The following DYNC2H1 variants were observed in gnomAD, a reference collection of about 807,000 sequenced individuals.
The protein encoded by DYNC2H1 is dynein cytoplasmic 2 heavy chain 1.
In DYNC2H1, 410 loss-of-function variants were observed where a neutral mutation model predicts 570.0. The ratio of observed to expected loss-of-function variants is 0.72; its 90% CI spans 0.66 to 0.78. The LOEUF (loss-of-function observed/expected upper bound fraction) is 0.78, where lower values mean the gene tolerates loss of function less well. Ranked by LOEUF, DYNC2H1 falls within the 30% of genes least tolerant of loss-of-function variation. DYNC2H1 has a pLI of 0.00. For missense variants in DYNC2H1, 4,865 were observed against 5,046.4 expected (o/e 0.96, Z 1.09); for synonymous variants, 1,688 against 1,677.6 (o/e 1.01, Z -0.15).
chr11:103,408,127 GGA>G (rs535816509), intron 84 of DYNC2H1: 1 of 151,970 alleles, frequency 6.6e-6, no homozygotes, highest in Non-Finnish European at 1.5e-5. Flanking sequence ...GTTCACAAGA[GGA>G]GAGCGATAGA....
chr11:103,187,177 G>A (rs1862104019), intron 42 of DYNC2H1, among the ~76,000 whole-genome samples, 163 bp from the exon 43 acceptor site: 1 of 151,908 alleles, frequency 6.6e-6, no homozygotes, highest in African/African-American at 2.4e-5. Context: ...AAAGAAAGTT[G>A]CTTTGATAGT....
intron 55 of DYNC2H1, among the ~76,000 whole-genome samples, chr11:103,216,174 A>C (rs755532067): frequency 4.6e-5 from 7 of 151,426 alleles, no homozygotes; most frequent in Non-Finnish European, 7.4e-5. Flanking sequence ...ATTTCCTTTT[A>C]TTTTTCTTAG....
At chr11:103,444,471 C>A (rs534855301) in intron 85 of DYNC2H1, among the ~76,000 whole-genome samples, 1 of 151,830 alleles carries the variant, frequency 6.6e-6, no homozygotes, top group South Asian at 2.1e-4. Context: ...TATATATTTC[C>A]GGGATGTCAG....
At position 103,188,541 on chromosome 11, in the gene DYNC2H1, T is replaced by C; in HGVS notation, c.7185T>C (p.Val2395=). ...QGFYDENLEW[V]GLENIQIVAS... The stretch of plus-strand genomic sequence containing the variant: ...TTTATGATGAAAATTTGGAATGGGT[T>C]GGTCTAGAAAATATTCAAATTGTGG... The change falls in exon 44 of 89, where the codon GTT becomes GTC. Residue 2395 remains valine, a synonymous_variant. Transcript: ENST00000375735. The C allele has an allele frequency of 7.5e-6, 12 of 1,609,222 alleles. No individual in the cohort carries two copies. Among genetic ancestry groups the C allele is most frequent in the Non-Finnish European group, 1.0e-5 (12 of 1,176,962 alleles).
chr11:103,293,245 C>A (rs141196865), intron 75 of DYNC2H1, among the ~76,000 whole-genome samples: 2 of 152,112 alleles, frequency 1.3e-5, no homozygotes, highest in African/African-American at 4.8e-5. Flanking sequence ...TGTCATCCCC[C>A]TCCCTCATGG....
chr11:103,154,515 G>C lies in DYNC2H1; in HGVS notation c.3367G>C (p.Asp1123His), dbSNP rs1276760882. 2 of 1,576,564 alleles carry C rather than the reference G, an allele frequency of 1.3e-6. No individual in the cohort carries two copies. Among genetic ancestry groups the C allele is most frequent in the East Asian group, 4.6e-5 (2 of 43,596 alleles). Residue 1123 changes from aspartate to histidine, a missense_variant, in exon 23 of 89, where the codon GAT (aspartate) becomes CAT (histidine). Coordinates refer to ENST00000375735, the MANE Select transcript of DYNC2H1 (RefSeq NM_001377.3). ...CTCCCTGGCAAGTAGTATCTCTAAA[G>C]ATATCGAGAGCTGTGCCCAAATTTG... is the stretch of plus-strand genomic sequence containing the variant. The part of the protein sequence containing the change: ...NFSLASSISK[D>H]IESCAQIWAF...
At chr11:103,455,367 C>T (rs1944751858) in intron 86 of DYNC2H1, 72 bp downstream of exon 86, 1 of 1,140,682 alleles carries the variant, frequency 8.8e-7, no homozygotes, top group Non-Finnish European at 1.3e-6. Context: ...CTTCCTATTA[C>T]ACTGCCCTTG....
At chr11:103,229,543 C>T (rs1282633187) in intron 59 of DYNC2H1, among the ~76,000 whole-genome samples, 3 of 152,038 alleles carry the variant, frequency 2.0e-5, no homozygotes, top group South Asian at 4.1e-4. Context: ...TTTCTGTTTA[C>T]GTATCACAAA....
rs1467641080 is a variant in DYNC2H1 at position 103,399,669 on chromosome 11, A to G, written c.12163A>G (p.Asn4055Asp). The G allele has an allele frequency of 6.2e-7, 1 of 1,609,636 alleles. No individual in the cohort carries two copies. Among genetic ancestry groups the G allele is most frequent in the East Asian group, 2.2e-5 (1 of 44,758 alleles). The change falls in exon 84 of 89, where the codon AAC becomes GAC. Residue 4055 changes from asparagine (N) to aspartate (D), a missense_variant. By Grantham distance (23) the Asn-to-Asp change is conservative. Around this residue, in one of 5 missense-constraint regions of DYNC2H1, gnomAD observed 2,401 missense variants for 2,454.6 expected, o/e 0.98. Transcript: ENST00000375735. ...TATGACATTTTTCTTTTAGAATTCA[A>G]ACCTAATACATCAGAAAGTGCCTCC... Reference protein sequence around the residue: ...NLWKKLNQNSNLIHQKVPPPN... With the variant: ...NLWKKLNQNSDLIHQKVPPPN...
chr11:103,166,047 T>C lies in DYNC2H1; in HGVS notation c.4761T>C (p.Thr1587=). The change falls in exon 31 of 89, where the codon ACT becomes ACC. Residue 1587 remains threonine, a splice_region_variant and synonymous_variant. Transcript: ENST00000375735. Reference sequence around the variant, plus strand: ...CAAGTTCTGAGGATCCAGGGAATACTGGTATGGAAAAGACATTCCCTTTTC... The same window carrying C: ...CAAGTTCTGAGGATCCAGGGAATACCGGTATGGAAAAGACATTCCCTTTTC... The part of the protein sequence containing the change: ...IDTSSEDPGN[T]ESGILELKLK... 6.6e-7 allele frequency: 1 copy of C among 1,516,234 alleles called. No homozygotes were observed. 93.9% of individuals were successfully genotyped at this position (1,516,234 alleles called of 1,614,324 possible). A position where few individuals can be genotyped will look rare whatever the true frequency, so the allele number is the denominator to read the frequency against.
intron 75 of DYNC2H1, among the ~76,000 whole-genome samples, chr11:103,297,646 T>C (rs1163211283): frequency 2.0e-5 from 3 of 152,064 alleles, no homozygotes; most frequent in Admixed American, 1.3e-4. Context: ...AATACAGCAT[T>C]ATAATCTTAT....
intron 84 of DYNC2H1, among the ~76,000 whole-genome samples, chr11:103,421,922 T>A (rs12295174): frequency 0.1 from 15,381 of 150,016 alleles, 970 homozygotes; most frequent in African/African-American, 0.18. Flanking sequence ...TTTTTTTTTT[T>A]ATAACAAAAT....
Position 103,326,814 on chromosome 11 carries a change from GC to G in DYNC2H1, c.12039+2825del, listed in dbSNP as rs1191142113. On this transcript the variant is annotated intron_variant, in intron 82 of 88. Coordinates refer to ENST00000375735, the MANE Select transcript of DYNC2H1 (RefSeq NM_001377.3). The surrounding 1 kb of genome is among the most constrained non-coding windows in gnomAD (Gnocchi z 6.1). ...TCTCTTGGCCTGGCAGTCAGCTGAT[GC>G]TAGAGCCTCTAGGAGGGTGATGAGG... Among the ~76,000 whole-genome samples, 3 of 152,178 alleles carry G rather than the reference GC, an allele frequency of 2.0e-5. No individual in the cohort carries two copies. The highest frequency in any genetic ancestry group is 7.2e-5 in the African/African-American group (3 of 41,452).
chr11:103,387,468 G>T (rs1458572626), intron 83 of DYNC2H1, among the ~76,000 whole-genome samples: 2 of 152,084 alleles, frequency 1.3e-5, no homozygotes, highest in Non-Finnish European at 2.9e-5. Context: ...TCTCTCTGAT[G>T]GTAATTTCTT....
intron 75 of DYNC2H1, among the ~76,000 whole-genome samples, chr11:103,295,462 C>T (rs1418634065): frequency 1.3e-5 from 2 of 152,210 alleles, no homozygotes; most frequent in African/African-American, 4.8e-5. Flanking sequence ...ACTCTCCCAG[C>T]ACTCCCTCAA....
chr11:103,417,352 C>T (rs999559847), intron 84 of DYNC2H1, among the ~76,000 whole-genome samples: 1 of 152,038 alleles, frequency 6.6e-6, no homozygotes, highest in African/African-American at 2.4e-5. Flanking sequence ...CTGTCTGCCT[C>T]AGCCTCCCAA....
intron 82 of DYNC2H1, among the ~76,000 whole-genome samples, chr11:103,348,196 C>G (rs181250611): frequency 1.0e-3 from 156 of 152,278 alleles, no homozygotes; most frequent in African/African-American, 3.6e-3. Flanking sequence ...ACCAGAATAA[C>G]CAGTGTTTAA....
At chr11:103,160,411 T>C (rs1861043126) in intron 28 of DYNC2H1, among the ~76,000 whole-genome samples, 1 of 152,072 alleles carries the variant, frequency 6.6e-6, no homozygotes, top group African/African-American at 2.4e-5. Context: ...AGACATACAT[T>C]TTTATTTGTA....
chr11:103,293,571 T>A (rs1275122499), intron 75 of DYNC2H1, among the ~76,000 whole-genome samples: 1 of 152,114 alleles, frequency 6.6e-6, no homozygotes, highest in Non-Finnish European at 1.5e-5. Context: ...CCTTTTGAAG[T>A]TATTTTTTAG....
Sources: gnomAD v4.1 joint callset for allele counts (sites outside exome capture counted in the v4.1 genomes callset) on GRCh38, gnomAD v4.1.1 for gene constraint, gnomAD v4.1.1 regional missense constraint, Gnocchi (gnomAD v3.1) non-coding constraint, MANE v1.5 for transcripts, NCBI Gene and HGNC (gene_info 2026-07-23, HGNC 2026-07-21) for gene names.